The following ACP3 variants were observed in gnomAD, a reference collection of about 807,000 sequenced individuals.
ACP3 encodes prostatic acid phosphatase.
In ACP3, 38 loss-of-function variants were observed where a neutral mutation model predicts 45.6. The ratio of observed to expected loss-of-function variants is 0.83; its 90% CI spans 0.64 to 1.09. The LOEUF is 1.09. ACP3 is among the 50% of genes least tolerant of loss of function. The pLI, the probability that ACP3 is intolerant of heterozygous loss-of-function variation, is 0.00. For synonymous variants in ACP3, 162 were observed against 164.7 expected, an observed-to-expected ratio of 0.98 and a Z score of 0.13; for missense variants, 466 against 463.2, an observed-to-expected ratio of 1.01 and a Z score of -0.05.
At chr3:132,355,958 T>A (rs977371173) in intron 9 of ACP3, among the ~76,000 whole-genome samples, 11 of 152,160 alleles carry the variant, frequency 7.2e-5, no homozygotes, top group Non-Finnish European at 1.5e-4. Flanking sequence ...CCTTCTTGAG[T>A]TCCCCTCCTG....
In ACP3 at chr3:132,338,372, T is replaced by A. The variant is rs540716988; in HGVS notation, c.555+818T>A. Among the ~76,000 whole-genome samples the A allele has an allele frequency of 7.9e-5, 12 of 152,180 alleles. No homozygotes were observed. The South Asian group carries it at 2.5e-3, about 32-fold the overall frequency. On this transcript the variant is annotated intron_variant, in intron 5 of 9. Coordinates refer to ENST00000336375, the MANE Select transcript of ACP3 (RefSeq NM_001099.5). ...TCCTTTTCTTTCTTTTCCTTTTTTT[T>A]AACAAATGTGTAATATTTATATTTA...
chr3:132,317,407 G>A lies in ACP3; in HGVS notation c.-50G>A. ...AATAGCTTCCCCTCTACAGGCTTTT[G>A]AAGTGGTAGCAGTTCCTCCTAACTC... On this transcript the variant is annotated 5_prime_UTR_variant, in exon 1 of 10. Coordinates refer to ENST00000336375, the MANE Select transcript of ACP3 (RefSeq NM_001099.5). 1 of 1,589,472 alleles carries A rather than the reference G, an allele frequency of 6.3e-7. No individual in the cohort carries two copies. Among genetic ancestry groups the A allele is most frequent in the South Asian group, 1.1e-5 (1 of 87,042 alleles).
At chr3:132,323,600 T>C (rs974772987) in intron 1 of ACP3, among the ~76,000 whole-genome samples, 2 of 152,176 alleles carry the variant, frequency 1.3e-5, no homozygotes, top group South Asian at 2.1e-4. Flanking sequence ...GTGGTGTGTA[T>C]GCTGAGAGAA....
Position 132,352,732 on chromosome 3 carries a change from GT to G in ACP3, c.878del (p.Val293GlyfsTer8). On this transcript the variant is annotated frameshift_variant, in exon 9 of 10. Transcript: ENST00000336375. LOFTEE classifies it high-confidence loss of function. ...TCAATCTCTGTAGCATGACACTACT[GT>G]GAGTGGCCTACAGATGGCGCTAGAT... The part of the protein sequence containing the change: ...LIMYSAHDTT[V>X]SGLQMALDVY... 1.2e-6 allele frequency: 2 copies of G among 1,611,974 alleles called. No individual in the cohort carries two copies. Among genetic ancestry groups the G allele is most frequent in the South Asian group, 2.2e-5 (2 of 91,026 alleles).
At chr3:132,324,235 AAAC>A (rs992269268) in intron 1 of ACP3, among the ~76,000 whole-genome samples, 1 of 151,820 alleles carries the variant, frequency 6.6e-6, no homozygotes, top group African/African-American at 2.4e-5. Context: ...AAAAAAAAAA[AAAC>A]TCCACTTTTG....
rs1041069975 is a variant in ACP3, at chr3:132,358,152, G to C, written c.*1274G>C. On this transcript the variant is annotated 3_prime_UTR_variant, in exon 10 of 10. Coordinates refer to ENST00000336375, the MANE Select transcript of ACP3 (RefSeq NM_001099.5). ...CACCTGTAATCCTTGCATTTTGGAA[G>C]GCTGAGGCAGGAGGATCACTTTAGG... 3.2e-6 allele frequency: 2 copies of C among 626,798 alleles called. No individual in the cohort carries two copies. The highest frequency in any genetic ancestry group is 4.0e-6 in the Non-Finnish European group (2 of 501,544). The allele number at this position is 626,798 out of a possible 1,614,324, so 38.8% of individuals were successfully genotyped here.
In ACP3 at chr3:132,355,486, C is replaced by CTTATTTTATT. The variant is rs71622089; in HGVS notation, c.969-1182_969-1173dup. ...TTATAGACATCTTATTTTATTTTATCTTATTTTATTTTATTTTATTTTATT... is the reference window on the plus strand; with the variant it reads ...TTATAGACATCTTATTTTATTTTATCTTATTTTATTTTATTTTATTTTATTTTATTTTATT... On this transcript the variant is annotated intron_variant, in intron 9 of 9. Coordinates refer to ENST00000336375, the MANE Select transcript of ACP3 (RefSeq NM_001099.5). Among the ~76,000 whole-genome samples, 44 of 150,378 alleles carry CTTATTTTATT rather than the reference C, an allele frequency of 2.9e-4. No homozygotes were observed. In the South Asian group the frequency reaches 6.3e-3, roughly 22 times the overall value.
chr3:132,347,575 G>C (rs11928966), intron 7 of ACP3, among the ~76,000 whole-genome samples: 72,165 of 151,818 alleles, frequency 0.48, 17,965 homozygotes, highest in Middle Eastern at 0.66. Context: ...GACCTCCCAG[G>C]CTCAAGCGAT....
At chr3:132,319,181 T>C (rs547202372) in intron 1 of ACP3, among the ~76,000 whole-genome samples, 1 of 152,348 alleles carries the variant, frequency 6.6e-6, no homozygotes, top group South Asian at 2.1e-4. Flanking sequence ...TTGGCCCTTA[T>C]AAAACAACGT....
At chr3:132,347,846 C>CACACACACACACAG (rs1937631254) in intron 7 of ACP3, among the ~76,000 whole-genome samples, 1 of 148,216 alleles carries the variant, frequency 6.7e-6, no homozygotes, top group African/African-American at 2.5e-5. Flanking sequence ...CACACACATA[C>CACACACACACACAG]ACACACACAC....
At chr3:132,367,625 G>A (rs1938151236) in intron 10 of ACP3, 6 of 1,158,634 alleles carry the variant, frequency 5.2e-6, no homozygotes, top group Non-Finnish European at 1.3e-6. Context: ...AATTAAGGCA[G>A]AAAGCAACAC....
intron 4 of ACP3, chr3:132,332,705 C>A: frequency 5.0e-6 from 1 of 199,166 alleles, no homozygotes. Context: ...GGTTTCTCCA[C>A]TCTCCAGATT....
chr3:132,317,947 T>C (rs1937139330), intron 1 of ACP3, among the ~76,000 whole-genome samples: 1 of 152,250 alleles, frequency 6.6e-6, no homozygotes, highest in African/African-American at 2.4e-5. Flanking sequence ...TAATCATTAT[T>C]TGTTTGCAAG....
chr3:132,326,798 A>G (rs1937305750), intron 1 of ACP3, among the ~76,000 whole-genome samples: 2 of 152,230 alleles, frequency 1.3e-5, no homozygotes, highest in African/African-American at 4.8e-5. Context: ...CATTTTAGCC[A>G]GGTAGTATAA....
Position 132,352,744 on chromosome 3 carries a change from C to T in ACP3, c.889C>T (p.Gln297Ter), listed in dbSNP as rs1387977065. The change falls in exon 9 of 10, where the codon CAG (glutamine) becomes TAG (stop). Residue 297 changes from glutamine (Q) to a stop codon, truncating the protein, a stop_gained. Transcript: ENST00000336375. LOFTEE classifies it high-confidence loss of function. Reference sequence around the variant, plus strand: ...GCATGACACTACTGTGAGTGGCCTACAGATGGCGCTAGATGTTTACAACGG... The same window carrying T: ...GCATGACACTACTGTGAGTGGCCTATAGATGGCGCTAGATGTTTACAACGG... ...SAHDTTVSGL[Q>*]MALDVYNGLL... 1.2e-6 allele frequency: 2 copies of T among 1,613,496 alleles called. No homozygotes were observed. The highest frequency in any genetic ancestry group is 1.7e-5 in the Admixed American group (1 of 60,004).
chr3:132,355,607 T>C (rs1014199378), intron 9 of ACP3, among the ~76,000 whole-genome samples: 3 of 152,098 alleles, frequency 2.0e-5, no homozygotes, highest in African/African-American at 7.2e-5. Flanking sequence ...AACCTCCACC[T>C]CCCAGGTTCA....
intron 8 of ACP3, among the ~76,000 whole-genome samples, chr3:132,350,219 T>C (rs1937694669): frequency 6.6e-6 from 1 of 152,190 alleles, no homozygotes; most frequent in Non-Finnish European, 1.5e-5. Context: ...CAAAATGGGA[T>C]GGAAATACCA....
At chr3:132,329,147 T>C (rs557914108) in intron 2 of ACP3, among the ~76,000 whole-genome samples, 2 of 152,350 alleles carry the variant, frequency 1.3e-5, no homozygotes, top group South Asian at 2.1e-4. Flanking sequence ...ATGACTCTTC[T>C]GTTTGGAGCC....
intron 7 of ACP3, among the ~76,000 whole-genome samples, chr3:132,348,049 C>T (rs1237890993): frequency 6.6e-6 from 1 of 152,124 alleles, no homozygotes; most frequent in Non-Finnish European, 1.5e-5. Context: ...TTCATTTATG[C>T]ATTGTCTATT....
Sources: allele counts gnomAD v4.1 joint callset (sites outside exome capture counted in the v4.1 genomes callset), GRCh38; gene constraint gnomAD v4.1.1; transcripts MANE v1.5; gene names NCBI Gene and HGNC (gene_info 2026-07-23, HGNC 2026-07-21).